Variants in TFB1M observed in about 807,000 individuals in gnomAD.
The protein encoded by TFB1M is dimethyladenosine transferase 1, mitochondrial.
TFB1M carries 27 observed loss-of-function variants against 31.1 expected under a neutral mutation model. The observed-to-expected ratio is 0.87, with a 90% confidence interval of 0.64 to 1.20. The LOEUF (loss-of-function observed/expected upper bound fraction) is 1.20. TFB1M is among the 50% of genes most tolerant of loss of function. TFB1M has a pLI of 0.00. For synonymous variants in TFB1M, 166 were observed against 151.8 expected (o/e 1.09, Z -0.69); for missense variants, 394 against 418.7 (o/e 0.94, Z 0.51).
the TFB1M span, among the ~76,000 whole-genome samples, chr6:155,242,766 C>T: frequency 2.0e-5 from 3 of 152,160 alleles, no homozygotes; most frequent in Non-Finnish European, 2.9e-5. Flanking sequence ...GATGGAGTCT[C>T]GCTCTGTCAC....
the TFB1M span, among the ~76,000 whole-genome samples, chr6:155,240,921 G>A: frequency 1.3e-5 from 2 of 152,166 alleles, no homozygotes; most frequent in African/African-American, 4.8e-5. Context: ...TTAGATCCTT[G>A]GCTTATTTTG....
chr6:155,282,203 G>T (rs528699647), intron 5 of TFB1M, among the ~76,000 whole-genome samples: 1 of 152,134 alleles, frequency 6.6e-6, no homozygotes, highest in Admixed American at 6.5e-5. Flanking sequence ...AACCTCAGAG[G>T]TTGTCTGTTT....
chr6:155,309,451 CA>C (rs1473160832), intron 2 of TFB1M, among the ~76,000 whole-genome samples: 10 of 152,060 alleles, frequency 6.6e-5, no homozygotes, highest in Non-Finnish European at 1.3e-4. Flanking sequence ...TGAGATAAAA[CA>C]AGGCTGGAAT....
At chr6:155,260,948 C>A in intron 5 of TFB1M, 1 of 180,254 alleles carries the variant, frequency 5.5e-6, no homozygotes, top group Admixed American at 5.4e-5. Context: ...TTTTAAATGC[C>A]CCGAAAGGCA....
intron 5 of TFB1M, among the ~76,000 whole-genome samples, chr6:155,281,696 T>C (rs1223943717): frequency 5.2e-5 from 6 of 116,378 alleles, no homozygotes; most frequent in Admixed American, 1.3e-4. Flanking sequence ...CACTCCAGCC[T>C]GGGCGGCAGA....
intron 2 of TFB1M, among the ~76,000 whole-genome samples, chr6:155,300,136 G>T (rs1777360494): frequency 6.6e-6 from 1 of 152,144 alleles, no homozygotes; most frequent in African/African-American, 2.4e-5. Context: ...AATTTGTAGG[G>T]TCTAGAAACT....
intron 5 of TFB1M, among the ~76,000 whole-genome samples, chr6:155,265,767 TATA>T (rs1206950152): frequency 6.8e-6 from 1 of 146,316 alleles, no homozygotes; most frequent in Non-Finnish European, 1.5e-5. Flanking sequence ...ATATTTAATA[TATA>T]ATATGTAAAT....
chr6:155,253,385 A>G (rs576031271), downstream of TFB1M: 79 of 269,290 alleles, frequency 2.9e-4, no homozygotes, highest in African/African-American at 1.6e-3. Flanking sequence ...AATTTAGAAT[A>G]TAGCAGAAAA....
chr6:155,244,961 A>ATT, the TFB1M span: 332 of 720,820 alleles, frequency 4.6e-4, no homozygotes, highest in Non-Finnish European at 5.6e-4. Flanking sequence ...GGCTGTATAT[A>ATT]TTTTTTTTTC....
the TFB1M span, chr6:155,250,021 G>A: frequency 1.4e-5 from 19 of 1,393,502 alleles, no homozygotes; most frequent in Admixed American, 2.1e-5. Flanking sequence ...TGTGGGGTCT[G>A]TAGGTGACCT....
intron 5 of TFB1M, among the ~76,000 whole-genome samples, chr6:155,266,776 G>A (rs1252895406): frequency 6.7e-6 from 1 of 150,342 alleles, no homozygotes; most frequent in Admixed American, 6.6e-5. Context: ...GAGCCTGGGA[G>A]GCGGAGCTTG....
intron 5 of TFB1M, among the ~76,000 whole-genome samples, chr6:155,270,662 C>A (rs1191850935): frequency 6.6e-6 from 1 of 152,178 alleles, no homozygotes; most frequent in East Asian, 1.9e-4. Flanking sequence ...TATCCTCCAG[C>A]CAGCTTCCTT....
At chr6:155,268,118 C>T (rs901576348) in intron 5 of TFB1M, among the ~76,000 whole-genome samples, 1 of 152,136 alleles carries the variant, frequency 6.6e-6, no homozygotes, top group South Asian at 2.1e-4. Context: ...ATCTTGAATC[C>T]ATTTCCTATG....
At chr6:155,265,033 A>ATTTTC (rs1784562057) in intron 5 of TFB1M, among the ~76,000 whole-genome samples, 1 of 152,224 alleles carries the variant, frequency 6.6e-6, no homozygotes, top group Non-Finnish European at 1.5e-5. Context: ...CAGAGGGAAA[A>ATTTTC]GACCTTCCTA....
intron 5 of TFB1M, among the ~76,000 whole-genome samples, chr6:155,278,750 T>C (rs535789006): frequency 1.2e-3 from 189 of 152,262 alleles, no homozygotes; most frequent in African/African-American, 4.0e-3. Flanking sequence ...CAAGCCCTGG[T>C]GTGGGTGCAT....
chr6:155,253,922 C>T (rs1783834535), downstream of TFB1M: 1 of 1,456,064 alleles, frequency 6.9e-7, no homozygotes, highest in Non-Finnish European at 9.5e-7. Flanking sequence ...TTCTTAACCA[C>T]AGCATTTTGG....
At position 155,256,521 on chromosome 6, in the gene TFB1M, C is replaced by T. The variant is rs1784041144; in HGVS notation, c.*1315G>A. 1.2e-6 allele frequency: 2 copies of T among 1,614,086 alleles called. No individual in the cohort carries two copies. The highest frequency in any genetic ancestry group is 2.2e-5 in the South Asian group (2 of 91,086). ...CTTTAAAAGTCCTGAAGAATTCCTC[C>T]AGCAACGAGTGGACCGGTGAGACTG... On this transcript the variant is annotated 3_prime_UTR_variant, in exon 7 of 7. Coordinates refer to ENST00000367166, the MANE Select transcript of TFB1M (RefSeq NM_016020.4).
downstream of TFB1M, chr6:155,252,851 G>A (rs942624571): frequency 8.9e-6 from 10 of 1,125,114 alleles, no homozygotes; most frequent in African/African-American, 9.3e-5. Context: ...TCGGAGACTC[G>A]CCCACAGGGA....
chr6:155,273,827 G>T (rs1414966573), intron 5 of TFB1M, among the ~76,000 whole-genome samples: 1 of 152,124 alleles, frequency 6.6e-6, no homozygotes, highest in Non-Finnish European at 1.5e-5. Flanking sequence ...AAACAAGGAT[G>T]CTTGAGATTG....
Sources: gnomAD v4.1 joint callset for allele counts (sites outside exome capture counted in the v4.1 genomes callset) on GRCh38, gnomAD v4.1.1 for gene constraint, MANE v1.5 for transcripts, NCBI Gene and HGNC (gene_info 2026-07-23, HGNC 2026-07-21) for gene names.